Variants in PIK3CB observed in about 807,000 individuals in gnomAD.
PIK3CB encodes the protein phosphatidylinositol-4,5-bisphosphate 3-kinase catalytic subunit beta.
PIK3CB carries 39 observed loss-of-function variants against 136.8 expected under a neutral mutation model. The ratio of observed to expected loss-of-function variants is 0.29; its 90% CI spans 0.22 to 0.37. The LOEUF is 0.37. Ranked by LOEUF, PIK3CB falls within the 10% of genes least tolerant of loss-of-function variation. The pLI is 1.00. For synonymous variants in PIK3CB, 428 were observed against 436.6 expected, an observed-to-expected ratio of 0.98 and a Z score of 0.25; for missense variants, 868 against 1,275.4, an observed-to-expected ratio of 0.68 and a Z score of 4.87.
intron 4 of PIK3CB, among the ~76,000 whole-genome samples, chr3:138,751,262 T>C (rs1022994431): frequency 6.6e-6 from 1 of 151,902 alleles, no homozygotes; most frequent in African/African-American, 2.4e-5. Context: ...ATTGAGACCA[T>C]CCTGGCTAAC....
intron 4 of PIK3CB, among the ~76,000 whole-genome samples, chr3:138,747,745 C>T (rs1287766285): frequency 6.6e-6 from 1 of 151,942 alleles, no homozygotes; most frequent in Admixed American, 6.6e-5. Flanking sequence ...GGCTGTGATT[C>T]GTCTGCAAGT....
intron 1 of PIK3CB, among the ~76,000 whole-genome samples, chr3:138,806,758 A>T (rs533652875): frequency 6.6e-6 from 1 of 152,320 alleles, no homozygotes; most frequent in Admixed American, 6.5e-5. Context: ...GATTTCTTGG[A>T]TGGGAATCAC....
intron 4 of PIK3CB, among the ~76,000 whole-genome samples, chr3:138,745,331 C>G (rs1559857560): frequency 6.6e-6 from 1 of 152,136 alleles, no homozygotes; most frequent in Non-Finnish European, 1.5e-5. Context: ...CCTTAAAAGG[C>G]AGTCCCTAGG....
chr3:138,806,496 G>T (rs533276218), intron 1 of PIK3CB, among the ~76,000 whole-genome samples: 27 of 151,816 alleles, frequency 1.8e-4, no homozygotes, highest in African/African-American at 5.8e-4. Flanking sequence ...AAAAAAAAAA[G>T]ATCACTGTTA....
At chr3:138,707,992 G>C (rs1048410610) in intron 10 of PIK3CB, among the ~76,000 whole-genome samples, 3 of 152,090 alleles carry the variant, frequency 2.0e-5, no homozygotes, top group African/African-American at 7.2e-5. Flanking sequence ...AGAAACTCAT[G>C]ATGAGAAAAT....
chr3:138,765,828 T>C (rs1231312596), intron 2 of PIK3CB, among the ~76,000 whole-genome samples: 1 of 152,088 alleles, frequency 6.6e-6, no homozygotes, highest in Non-Finnish European at 1.5e-5. Context: ...CACTCCAGCC[T>C]GGGCAACAGA....
chr3:138,702,207 G>C (rs1345680273), intron 12 of PIK3CB, among the ~76,000 whole-genome samples: 1 of 150,982 alleles, frequency 6.6e-6, no homozygotes, highest in Non-Finnish European at 1.5e-5. Flanking sequence ...AAGTAGCTGG[G>C]ACTACAGGTC....
chr3:138,673,290 T>C (rs2043574497), intron 19 of PIK3CB, among the ~76,000 whole-genome samples: 1 of 152,008 alleles, frequency 6.6e-6, no homozygotes. Context: ...CTAAAAGATG[T>C]GACTTCTTTG....
chr3:138,827,755 G>A (rs577734633), intron 1 of PIK3CB, among the ~76,000 whole-genome samples: 35 of 151,452 alleles, frequency 2.3e-4, no homozygotes, highest in Non-Finnish European at 4.3e-4. Context: ...CGAGGCGGGC[G>A]GATCACAAGG....
At chr3:138,809,693 C>T (rs1372094011) in intron 1 of PIK3CB, among the ~76,000 whole-genome samples, 2 of 150,810 alleles carry the variant, frequency 1.3e-5, no homozygotes, top group Admixed American at 6.6e-5. Context: ...GAAGAGGAAG[C>T]GAGAATGGAC....
intron 2 of PIK3CB, among the ~76,000 whole-genome samples, chr3:138,775,290 A>G (rs2045845106): frequency 6.6e-6 from 1 of 152,218 alleles, no homozygotes; most frequent in Non-Finnish European, 1.5e-5. Context: ...AAAACAACTG[A>G]ATTTCAAGGA....
chr3:138,671,411 C>T (rs2043529972), intron 19 of PIK3CB, among the ~76,000 whole-genome samples: 1 of 152,072 alleles, frequency 6.6e-6, no homozygotes, highest in South Asian at 2.1e-4. Flanking sequence ...CTAACCGTTT[C>T]CAGCAACCTT....
At chr3:138,748,576 C>A (rs544543247) in intron 4 of PIK3CB, among the ~76,000 whole-genome samples, 1 of 152,148 alleles carries the variant, frequency 6.6e-6, no homozygotes, top group African/African-American at 2.4e-5. Context: ...AAAATGTAAT[C>A]TAAAGGCCAT....
intron 2 of PIK3CB, among the ~76,000 whole-genome samples, chr3:138,787,080 T>G (rs996755639): frequency 2.6e-5 from 4 of 152,090 alleles, no homozygotes; most frequent in African/African-American, 9.6e-5. Flanking sequence ...TGCGTAAACA[T>G]CCATACATAT....
Position 138,653,453 on chromosome 3 carries a change from C to T in PIK3CB, c.*1936G>A, listed in dbSNP as rs2108375556. On this transcript the variant is annotated 3_prime_UTR_variant, in exon 24 of 24. Coordinates refer to ENST00000674063, the MANE Select transcript of PIK3CB (RefSeq NM_006219.3). ...TTTGGCATGTATTTATCAAGGCCCT[C>T]CTTTTGGCTGAGGAGACCCCTCTGG... is the stretch of plus-strand genomic sequence containing the variant. The T allele has an allele frequency of 5.6e-6, 1 of 177,200 alleles. No homozygotes were observed. The allele number at this position is 177,200 out of a possible 1,614,324, so 11.0% of individuals were successfully genotyped here.
chr3:138,681,940 G>GAAAAA, intron 19 of PIK3CB, 27 bp downstream of exon 19: 1 of 1,155,480 alleles, frequency 8.7e-7, no homozygotes. Flanking sequence ...ACATTAGACT[G>GAAAAA]AAAAAAAAAA....
intron 1 of PIK3CB, among the ~76,000 whole-genome samples, chr3:138,811,717 C>T (rs1933073941): frequency 6.6e-6 from 1 of 152,022 alleles, no homozygotes; most frequent in African/African-American, 2.4e-5. Context: ...AGCCACTGCA[C>T]CCGGCCCTGA....
intron 4 of PIK3CB, among the ~76,000 whole-genome samples, chr3:138,751,769 G>A (rs1374790796): frequency 2.0e-5 from 3 of 151,846 alleles, no homozygotes; most frequent in South Asian, 2.1e-4. Flanking sequence ...TCAGGAGTTC[G>A]AGACCAGCCT....
At chr3:138,757,381 C>T (rs113793051) in intron 3 of PIK3CB, among the ~76,000 whole-genome samples, 35 of 151,208 alleles carry the variant, frequency 2.3e-4, no homozygotes, top group African/African-American at 7.0e-4. Flanking sequence ...TCCAGTCTGG[C>T]GACAGAGCGA....
Sources: gnomAD v4.1 joint callset for allele counts (sites outside exome capture counted in the v4.1 genomes callset) on GRCh38, gnomAD v4.1.1 for gene constraint, MANE v1.5 for transcripts, NCBI Gene and HGNC (gene_info 2026-07-23, HGNC 2026-07-21) for gene names.